Variants in MSH3 observed in about 807,000 individuals in gnomAD.
The protein encoded by MSH3 is mutS homolog 3.
In MSH3, 106 loss-of-function variants were observed where a neutral mutation model predicts 123.3. The ratio of observed to expected loss-of-function variants is 0.86; its 90% confidence interval spans 0.73 to 1.01. MSH3 has a LOEUF of 1.01. Ranked by LOEUF, MSH3 falls within the 50% of genes least tolerant of loss-of-function variation. The pLI, the probability that MSH3 is intolerant of heterozygous loss-of-function variation, is 0.00. For synonymous variants in MSH3, 515 were observed against 481.4 expected (o/e 1.07, Z -0.91); for missense variants, 1,459 against 1,347.6 (o/e 1.08, Z -1.29).
chr5:80,782,570 T>A (rs1012495083), intron 17 of MSH3, among the ~76,000 whole-genome samples: 3 of 152,190 alleles, frequency 2.0e-5, no homozygotes, highest in African/African-American at 7.2e-5. Context: ...ACCAATCCCC[T>A]ATGGATACTG....
intron 15 of MSH3, among the ~76,000 whole-genome samples, chr5:80,773,373 A>G (rs1449748539): frequency 1.3e-5 from 2 of 152,186 alleles, no homozygotes; most frequent in Admixed American, 1.3e-4. Flanking sequence ...TTTGTAGCCA[A>G]AGGAGGCTTG....
At chr5:80,673,372 AC>A (rs577855615) in intron 6 of MSH3, among the ~76,000 whole-genome samples, 6 of 152,130 alleles carry the variant, frequency 3.9e-5, no homozygotes, top group African/African-American at 9.7e-5. Flanking sequence ...CCACAAAAAT[AC>A]AAAAAATTAG....
At chr5:80,857,517 C>T (rs538606312) in intron 21 of MSH3, among the ~76,000 whole-genome samples, 35 of 152,216 alleles carry the variant, frequency 2.3e-4, no homozygotes, top group Non-Finnish European at 3.8e-4. Context: ...CCATCTGGGC[C>T]TATGATTTTG....
At chr5:80,868,781 AAAC>A (rs925759925) in intron 22 of MSH3, among the ~76,000 whole-genome samples, 13 of 151,928 alleles carry the variant, frequency 8.6e-5, no homozygotes, top group South Asian at 4.2e-4. Flanking sequence ...TTAAAAAAAA[AAAC>A]AACAACTCTA....
intron 10 of MSH3, among the ~76,000 whole-genome samples, 184 bp downstream of exon 10, chr5:80,729,149 C>T: frequency 6.6e-6 from 1 of 152,020 alleles, no homozygotes; most frequent in Non-Finnish European, 1.5e-5. Context: ...GGCACGGTGG[C>T]TCATGCCTGT....
Position 80,654,703 on chromosome 5 carries a change from G to A in MSH3, c.-25G>A, listed in dbSNP as rs1229757956. 8 of 1,578,576 alleles carry A rather than the reference G, an allele frequency of 5.1e-6. No homozygotes were observed. Among genetic ancestry groups the A allele is most frequent in the South Asian group, 1.1e-5 (1 of 88,974 alleles). On this transcript the variant is annotated 5_prime_UTR_variant, in exon 1 of 24. Transcript: ENST00000265081. ...CTCGCGCTCCTCGCCAGGCCCTGCC[G>A]CCGGGCTGCCATCCTTGCCCTGCCA...
chr5:80,758,568 A>G (rs944281928), intron 12 of MSH3, among the ~76,000 whole-genome samples: 1 of 152,200 alleles, frequency 6.6e-6, no homozygotes, highest in Non-Finnish European at 1.5e-5. Flanking sequence ...GGTAGTCCTT[A>G]AAGAAGGTTG....
chr5:80,785,490 C>T (rs542028949), intron 17 of MSH3, among the ~76,000 whole-genome samples: 182 of 152,208 alleles, frequency 1.2e-3, no homozygotes, highest in African/African-American at 3.9e-3. Context: ...GAAATAGGAA[C>T]ACTTTTACAC....
chr5:80,736,314 A>G (rs1043919577), intron 10 of MSH3, among the ~76,000 whole-genome samples: 1 of 151,732 alleles, frequency 6.6e-6, no homozygotes, highest in African/African-American at 2.4e-5. Context: ...GTGAAAGAAC[A>G]TAACTAAGAA....
intron 8 of MSH3, among the ~76,000 whole-genome samples, chr5:80,692,919 ATG>A (rs1750345562): frequency 1.7e-5 from 1 of 58,020 alleles, no homozygotes; most frequent in Non-Finnish European, 3.2e-5. Flanking sequence ...ATACATGCAC[ATG>A]TATATGTTTA....
At chr5:80,677,197 G>A (rs755938417) in intron 7 of MSH3, among the ~76,000 whole-genome samples, 12 of 152,308 alleles carry the variant, frequency 7.9e-5, no homozygotes, top group African/African-American at 2.9e-4. Flanking sequence ...TGCCTGGTCA[G>A]TACCTGGGAG....
At position 80,875,862 on chromosome 5, in the gene MSH3, A is replaced by T; in HGVS notation, c.3414A>T (p.Ter1138TyrextTer13). The T allele has an allele frequency of 6.5e-7, 1 of 1,545,572 alleles. No individual in the cohort carries two copies. Among genetic ancestry groups the T allele is most frequent in the Non-Finnish European group, 8.9e-7 (1 of 1,117,644 alleles). ...AAACACAGACTTCTCTTCTTCATTA[A>T]AATGAAGACTACATTTGTGAACAAA... Reference protein sequence around the residue: ...MEETQTSLLH* With the variant: ...MEETQTSLLHY The change falls in exon 24 of 24, where the codon TAA becomes TAT. Residue 1138 changes from the stop codon to tyrosine, a stop_lost. Transcript: ENST00000265081.
In MSH3 at chr5:80,792,406, A is replaced by C. The variant is rs545998169; in HGVS notation, c.2544-327A>C. Among the ~76,000 whole-genome samples the C allele has an allele frequency of 4.6e-5, 7 of 150,694 alleles. No homozygotes were observed. The South Asian group carries it at 1.5e-3, about 32-fold the overall frequency. ...AGCCTGGGCAGCACACTGAGACCCT[A>C]TCTCTTAAAAAAAAAAAAAGAAAGA... On this transcript the variant is annotated intron_variant, in intron 18 of 23. Coordinates refer to ENST00000265081, the MANE Select transcript of MSH3 (RefSeq NM_002439.5).
At chr5:80,691,867 G>GTTTATATAGATAAACGTGTA (rs1561444310) in intron 8 of MSH3, among the ~76,000 whole-genome samples, 15 of 140,126 alleles carry the variant, frequency 1.1e-4, no homozygotes, top group Middle Eastern at 4.4e-3. Context: ...AGCTAAACAT[G>GTTTATATAGATAAACGTGTA]TATGTTTATA....
intron 20 of MSH3, among the ~76,000 whole-genome samples, chr5:80,820,985 T>C (rs991511642): frequency 6.6e-6 from 1 of 152,218 alleles, no homozygotes; most frequent in Non-Finnish European, 1.5e-5. Flanking sequence ...TATCAGACCA[T>C]GCCGGCAATT....
Position 80,813,618 on chromosome 5 carries a change from C to G in MSH3, c.2690C>G (p.Pro897Arg), listed in dbSNP as rs1163941898. The G allele has an allele frequency of 6.2e-7, 1 of 1,613,892 alleles. No individual in the cohort carries two copies. The highest frequency in any genetic ancestry group is 1.3e-5 in the African/African-American group (1 of 74,854). ...GAGAGAGTAATGATAATTACCGGAC[C>G]AAACATGGGTGGAAAGAGCTCCTAC... Reference protein sequence around the residue: ...DSERVMIITGPNMGGKSSYIK... With the variant: ...DSERVMIITGRNMGGKSSYIK... The change falls in exon 20 of 24, where the codon CCA (proline) becomes CGA (arginine). Residue 897 changes from proline to arginine, a missense_variant. Pro to Arg is a moderately radical substitution (Grantham distance 103). Transcript: ENST00000265081.
chr5:80,678,549 C>G (rs1348166205), intron 7 of MSH3, among the ~76,000 whole-genome samples: 1 of 152,070 alleles, frequency 6.6e-6, no homozygotes, highest in African/African-American at 2.4e-5. Flanking sequence ...ACAAATAATT[C>G]CTGTTTATTT....
chr5:80,827,873 C>T (rs529206447), intron 20 of MSH3, among the ~76,000 whole-genome samples: 1 of 152,168 alleles, frequency 6.6e-6, no homozygotes, highest in South Asian at 2.1e-4. Context: ...ATGAAGGAGG[C>T]CTTTAGACAC....
intron 10 of MSH3, among the ~76,000 whole-genome samples, chr5:80,732,623 G>A (rs1020606205): frequency 6.6e-6 from 1 of 152,014 alleles, no homozygotes; most frequent in Non-Finnish European, 1.5e-5. Context: ...AGTATCTTTT[G>A]ATTATAGGCA....
Sources: allele counts gnomAD v4.1 joint callset (sites outside exome capture counted in the v4.1 genomes callset), GRCh38; gene constraint gnomAD v4.1.1; transcripts MANE v1.5; gene names NCBI Gene and HGNC (gene_info 2026-07-23, HGNC 2026-07-21).